Variants in KAZN observed in about 807,000 individuals in gnomAD.
The protein encoded by KAZN is kazrin.
KAZN carries 40 observed loss-of-function variants against 87.4 expected under a neutral mutation model. That is an observed-to-expected ratio of 0.46 (90% CI 0.36 to 0.60). The LOEUF (loss-of-function observed/expected upper bound fraction) is 0.60, where lower values mean the gene tolerates loss of function less well. Ranked by LOEUF, KAZN falls within the 20% of genes least tolerant of loss-of-function variation. The probability of loss-of-function intolerance (pLI) is 0.00; values close to 1 mark genes in which losing one functional copy is unlikely to be tolerated. For missense variants in KAZN, 898 were observed against 1,073.9 expected, an observed-to-expected ratio of 0.84 and a Z score of 2.29; for synonymous variants, 466 against 458.3, an observed-to-expected ratio of 1.02 and a Z score of -0.22.
chr1:14,476,615 T>G (rs1332039140), intron 2 of KAZN, among the ~76,000 whole-genome samples: 1 of 152,196 alleles, frequency 6.6e-6, no homozygotes, highest in East Asian at 1.9e-4. Context: ...TCCTAGAAAT[T>G]TTAAGAGTTA....
intron 1 of KAZN, among the ~76,000 whole-genome samples, chr1:14,890,728 C>T (rs886296973): frequency 1.3e-5 from 2 of 151,788 alleles, no homozygotes; most frequent in South Asian, 2.1e-4. Flanking sequence ...GGGGTCTTGC[C>T]GTGTTGCCCA....
intron 1 of KAZN, among the ~76,000 whole-genome samples, chr1:14,895,420 G>T (rs538415389): frequency 6.6e-6 from 1 of 152,332 alleles, no homozygotes; most frequent in Admixed American, 6.5e-5. Flanking sequence ...CGCCAGATCA[G>T]CAGGCCCTCT....
intron 2 of KAZN, among the ~76,000 whole-genome samples, chr1:14,295,305 G>A (rs1427161739): frequency 6.6e-6 from 1 of 152,092 alleles, no homozygotes; most frequent in Admixed American, 6.6e-5. Flanking sequence ...TGACTCAAAT[G>A]TCCAGTTGTC....
chr1:14,292,693 C>T (rs1653807284), intron 2 of KAZN, among the ~76,000 whole-genome samples: 1 of 152,198 alleles, frequency 6.6e-6, no homozygotes, highest in Non-Finnish European at 1.5e-5. Context: ...CTCCCGCCTC[C>T]CCACCTTTCC....
intron 1 of KAZN, among the ~76,000 whole-genome samples, chr1:14,601,369 G>A (rs1344780327): frequency 2.6e-5 from 4 of 152,066 alleles, no homozygotes; most frequent in African/African-American, 7.2e-5. Context: ...TAAGTTCAGT[G>A]GGGTATCATT....
chr1:14,835,759 A>G (rs1413303932), intron 1 of KAZN, among the ~76,000 whole-genome samples: 2 of 152,044 alleles, frequency 1.3e-5, no homozygotes, highest in African/African-American at 4.8e-5. Flanking sequence ...CACCACCCGT[A>G]GCCCTTGGCC....
intron 1 of KAZN, among the ~76,000 whole-genome samples, chr1:14,746,149 G>T (rs6429675): frequency 0.046 from 7,011 of 152,088 alleles, 332 homozygotes; most frequent in African/African-American, 0.12. Flanking sequence ...TTTCGTGATG[G>T]GCATGTGTTC....
chr1:14,804,101 CA>C (rs1646128090), intron 1 of KAZN, among the ~76,000 whole-genome samples: 1 of 152,198 alleles, frequency 6.6e-6, no homozygotes, highest in Non-Finnish European at 1.5e-5. Context: ...CTCCAGGGCT[CA>C]CAAATGGTTC....
intron 1 of KAZN, among the ~76,000 whole-genome samples, chr1:13,982,508 G>A (rs188569151): frequency 3.9e-5 from 6 of 152,316 alleles, no homozygotes; most frequent in African/African-American, 4.8e-5. Flanking sequence ...TGCAAAGAGC[G>A]AAAGAACAAA....
At chr1:15,079,904 A>G (rs1639918268) in intron 8 of KAZN, among the ~76,000 whole-genome samples, 1 of 152,228 alleles carries the variant, frequency 6.6e-6, no homozygotes, top group Non-Finnish European at 1.5e-5. Context: ...TGATGTATAG[A>G]TATATATGTA....
chr1:14,788,701 C>G (rs1412485746), intron 1 of KAZN, among the ~76,000 whole-genome samples: 1 of 152,150 alleles, frequency 6.6e-6, no homozygotes, highest in Non-Finnish European at 1.5e-5. Flanking sequence ...GCTACCGACA[C>G]TCATCTTCCA....
rs187331693 is a variant in KAZN, at chr1:14,563,693, C to T, written c.250-35290C>T. Among the ~76,000 whole-genome samples the T allele has an allele frequency of 1.3e-3, 196 of 152,148 alleles. 1 individual carries two copies. Among genetic ancestry groups the T allele is most frequent in the East Asian group, 9.9e-3 (51 of 5,150 alleles). Reference sequence around the variant, plus strand: ...GCTCCATCCCCTGGAGGGCAGTCAGCTCTCACCACTCCTCCCCATCCTCTC... The same window carrying T: ...GCTCCATCCCCTGGAGGGCAGTCAGTTCTCACCACTCCTCCCCATCCTCTC... On this transcript the variant is annotated intron_variant, in intron 2 of 16. Transcript: ENST00000636203.
chr1:14,112,599 G>A (rs1644524275), intron 1 of KAZN, among the ~76,000 whole-genome samples: 2 of 152,174 alleles, frequency 1.3e-5, no homozygotes, highest in Non-Finnish European at 2.9e-5. Context: ...ACTCTGATAA[G>A]ATGTCACTCC....
At chr1:14,523,519 T>C (rs1319899615) in intron 2 of KAZN, among the ~76,000 whole-genome samples, 2 of 152,238 alleles carry the variant, frequency 1.3e-5, no homozygotes, top group Non-Finnish European at 2.9e-5. Context: ...CCTGCAAATG[T>C]CACAAAGTCA....
intron 2 of KAZN, among the ~76,000 whole-genome samples, chr1:14,318,583 T>G: frequency 6.6e-6 from 1 of 152,246 alleles, no homozygotes; most frequent in Middle Eastern, 3.4e-3. Flanking sequence ...TAGACTGTGA[T>G]GTATAGTATC....
rs2100571499 is a variant in KAZN at position 15,066,587 on chromosome 1, T to G, written c.1222+834T>G. On this transcript the variant is annotated intron_variant, in intron 8 of 14. Coordinates refer to ENST00000376030, the MANE Select transcript of KAZN (RefSeq NM_201628.3). The surrounding 1 kb of genome is among the most constrained non-coding windows in gnomAD (Gnocchi z 4.3). Reference sequence around the variant, plus strand: ...AAAAAAAGAAAAAAAGAAAATTGTTTCATTTAATTTATTTGCACAAATGCT... The same window carrying G: ...AAAAAAAGAAAAAAAGAAAATTGTTGCATTTAATTTATTTGCACAAATGCT... The G allele has an allele frequency of 3.0e-6, 3 of 984,032 alleles. 1 individual carries two copies. The highest frequency in any genetic ancestry group is 9.4e-5 in the South Asian group (2 of 21,268). 61.0% of individuals were successfully genotyped at this position (984,032 alleles called of 1,614,324 possible).
At chr1:14,210,117 T>C (rs1327854844) in intron 2 of KAZN, among the ~76,000 whole-genome samples, 1 of 152,326 alleles carries the variant, frequency 6.6e-6, no homozygotes, top group East Asian at 1.9e-4. Context: ...TCATCTTGAA[T>C]TGTAGCTCCT....
chr1:14,691,534 C>T (rs911407686), intron 1 of KAZN, among the ~76,000 whole-genome samples: 7 of 152,114 alleles, frequency 4.6e-5, no homozygotes, highest in East Asian at 1.9e-4. Context: ...TTGCCCAGCC[C>T]GGAGTGCAGT....
intron 2 of KAZN, among the ~76,000 whole-genome samples, chr1:14,550,550 A>G (rs1673433801): frequency 6.6e-6 from 1 of 152,042 alleles, no homozygotes; most frequent in South Asian, 2.1e-4. Context: ...CTTTCTTCCC[A>G]GGGTGCCAGA....
Sources: gnomAD v4.1 joint callset for allele counts (sites outside exome capture counted in the v4.1 genomes callset) on GRCh38, gnomAD v4.1.1 for gene constraint, Gnocchi (gnomAD v3.1) non-coding constraint, MANE v1.5 for transcripts, NCBI Gene and HGNC (gene_info 2026-07-23, HGNC 2026-07-21) for gene names.